TRIQK: variants seen among roughly 807,000 people sequenced by gnomAD.
The protein encoded by TRIQK is triple QxxK/R motif-containing protein.
Under a neutral mutation model 10.8 loss-of-function variants are expected in TRIQK, and 10 were observed. That is an observed-to-expected ratio of 0.92 (90% CI 0.57 to 1.57). The LOEUF is 1.57. TRIQK is among the 40% of genes most tolerant of loss of function. The pLI is 0.00. For synonymous variants in TRIQK, 33 were observed against 33.7 expected (o/e 0.98, Z 0.07); for missense variants, 107 against 97.7 (o/e 1.09, Z -0.40).
intron 1 of TRIQK, among the ~76,000 whole-genome samples, chr8:92,988,192 AT>A (rs1263352320): frequency 1.3e-5 from 2 of 149,226 alleles, no homozygotes; most frequent in Non-Finnish European, 3.0e-5. Flanking sequence ...TTTTTTTTGT[AT>A]TTTTAGTAGA....
intron 2 of TRIQK, among the ~76,000 whole-genome samples, chr8:92,932,903 T>C (rs1810807130): frequency 6.6e-6 from 1 of 152,172 alleles, no homozygotes; most frequent in Non-Finnish European, 1.5e-5. Context: ...GCATATCACC[T>C]TTTTTAAGAA....
chr8:92,960,491 A>G (rs1186807610), intron 1 of TRIQK: 1 of 152,162 alleles, frequency 6.6e-6, no homozygotes. Flanking sequence ...ATAACCTACA[A>G]ATAAGTTACC....
At chr8:92,972,163 T>C (rs1347400893) in intron 1 of TRIQK, among the ~76,000 whole-genome samples, 1 of 152,208 alleles carries the variant, frequency 6.6e-6, no homozygotes, top group Non-Finnish European at 1.5e-5. Flanking sequence ...TTTATAGCTC[T>C]ATCTCTTGTA....
intron 3 of TRIQK, among the ~76,000 whole-genome samples, chr8:92,897,503 T>A (rs1159004282): frequency 1.3e-5 from 2 of 152,200 alleles, no homozygotes; most frequent in East Asian, 3.9e-4. Context: ...AGGAGTGGGC[T>A]CATGATAAAA....
chr8:92,945,609 A>G (rs1563651765), intron 2 of TRIQK, among the ~76,000 whole-genome samples: 1 of 152,224 alleles, frequency 6.6e-6, no homozygotes, highest in African/African-American at 2.4e-5. Context: ...TTGCTCGTGC[A>G]GCTGTGGACA....
chr8:92,899,148 T>C (rs1263821789), intron 3 of TRIQK, among the ~76,000 whole-genome samples: 1 of 151,572 alleles, frequency 6.6e-6, no homozygotes, highest in African/African-American at 2.4e-5. Context: ...CATGGCCAGC[T>C]AATTTTTGTA....
chr8:92,883,611 C>T lies in TRIQK; in HGVS notation c.*3011G>A, dbSNP rs1232581140. ...TTACACAAAGAAACTGTGACAGACT[C>T]TGAGAGGACTAAAAGGCATCAACTT... On this transcript the variant is annotated 3_prime_UTR_variant, in exon 5 of 5. Transcript: ENST00000521988. 2 of 151,636 alleles carry T rather than the reference C, an allele frequency of 1.3e-5. No individual in the cohort carries two copies. The highest frequency in any genetic ancestry group is 4.8e-5 in the African/African-American group (2 of 41,352). 9.4% of individuals were successfully genotyped at this position (151,636 alleles called of 1,614,324 possible).
At chr8:92,958,509 T>A (rs772655952) in intron 1 of TRIQK, among the ~76,000 whole-genome samples, 13 of 152,028 alleles carry the variant, frequency 8.6e-5, no homozygotes, top group Non-Finnish European at 1.2e-4. Flanking sequence ...TTACCTGATT[T>A]TCATCTTTGG....
chr8:93,011,205 C>CATATAT lies in TRIQK; in HGVS notation c.-181+6398_-181+6403dup, dbSNP rs373752738. Among the ~76,000 whole-genome samples, 522 of 121,566 alleles carry CATATAT rather than the reference C, an allele frequency of 4.3e-3. 4 individuals carry two copies. The highest frequency in any genetic ancestry group is 0.013 in the African/African-American group (467 of 34,750). The allele number at this position is 121,566 out of a possible 152,430, so 79.8% of individuals were successfully genotyped here. On this transcript the variant is annotated intron_variant, in intron 1 of 4. Coordinates refer to the TRIQK transcript ENST00000520686. ...ACACACACACACACACACACACACA[C>CATATAT]ATATATATATATATATACAGGAGGT...
At chr8:92,906,588 A>ATC (rs1809269873) in intron 3 of TRIQK, among the ~76,000 whole-genome samples, 1 of 152,078 alleles carries the variant, frequency 6.6e-6, no homozygotes, top group East Asian at 1.9e-4. Flanking sequence ...TGTAACACTC[A>ATC]TCTTCCCCAT....
rs2130194589 is a variant in TRIQK, at chr8:92,883,899, T to C, written c.*2723A>G. 1 of 151,902 alleles carries C rather than the reference T, an allele frequency of 6.6e-6. No individual in the cohort carries two copies. The allele number at this position is 151,902 out of a possible 1,614,324, so 9.4% of individuals were successfully genotyped here. On this transcript the variant is annotated 3_prime_UTR_variant, in exon 5 of 5. Coordinates refer to ENST00000521988, the MANE Select transcript of TRIQK (RefSeq NM_001171797.2). ...AGATGAGGTTATATTTTTACAATAC[T>C]GTATCTCATCTCAAATAAATTTATA...
chr8:92,972,893 T>A (rs1812889123), intron 1 of TRIQK: 2 of 152,230 alleles, frequency 1.3e-5, no homozygotes, highest in Non-Finnish European at 2.9e-5. Context: ...TTTTTAATAA[T>A]TTTATCTTTG....
intron 1 of TRIQK, among the ~76,000 whole-genome samples, chr8:93,002,877 G>A (rs1012488478): frequency 1.3e-5 from 2 of 151,030 alleles, no homozygotes; most frequent in African/African-American, 4.9e-5. Flanking sequence ...CCGAGATCCT[G>A]CCATTGCACT....
chr8:92,914,068 C>A (rs191823802), intron 3 of TRIQK, among the ~76,000 whole-genome samples: 2 of 151,990 alleles, frequency 1.3e-5, no homozygotes. Flanking sequence ...TGTATACCTA[C>A]GTAACAAACC....
chr8:92,974,490 T>C (rs1812909626), intron 1 of TRIQK: 1 of 152,210 alleles, frequency 6.6e-6, no homozygotes, highest in Admixed American at 6.5e-5. Context: ...TGACTATAAG[T>C]CCTGAAACAA....
chr8:93,002,480 T>C (rs1005065647), intron 1 of TRIQK, among the ~76,000 whole-genome samples: 32 of 152,146 alleles, frequency 2.1e-4, no homozygotes, highest in African/African-American at 6.0e-4. Context: ...TGAACAATTA[T>C]ACACAAACAA....
intron 2 of TRIQK, among the ~76,000 whole-genome samples, chr8:92,938,863 T>A (rs1811131092): frequency 6.6e-6 from 1 of 152,182 alleles, no homozygotes; most frequent in Non-Finnish European, 1.5e-5. Context: ...CTTTCTAATA[T>A]CTTCTATATT....
At chr8:92,988,402 G>A (rs1342727370) in intron 1 of TRIQK, among the ~76,000 whole-genome samples, 1 of 152,114 alleles carries the variant, frequency 6.6e-6, no homozygotes, top group Non-Finnish European at 1.5e-5. Context: ...GAAAAGAAAA[G>A]TATGTATGTT....
In TRIQK at chr8:92,892,042, A is replaced by C; in HGVS notation, c.94T>G (p.Leu32Val). The change falls in exon 4 of 5, where the codon TTA becomes GTA. Residue 32 changes from leucine to valine, a missense_variant. Physicochemically the swap from Leu to Val is conservative, Grantham distance 32. Coordinates refer to ENST00000521988, the MANE Select transcript of TRIQK (RefSeq NM_001171797.2). ...TCTGCTTTTAATTTGGTTGCTCGTA[A>C]AATAGGTTTAGTTTTTTTATAATCC... ...KQDYKKTKPI[L>V]RATKLKAEAK... is the part of the protein sequence containing the mutation. 6.5e-7 allele frequency: 1 copy of C among 1,533,276 alleles called. No homozygotes were observed. The highest frequency in any genetic ancestry group is 8.7e-7 in the Non-Finnish European group (1 of 1,144,110). The allele number at this position is 1,533,276 out of a possible 1,614,324, so 95.0% of individuals were successfully genotyped here.
Sources: gnomAD v4.1 joint callset for allele counts (sites outside exome capture counted in the v4.1 genomes callset) on GRCh38, gnomAD v4.1.1 for gene constraint, MANE v1.5 for transcripts, NCBI Gene and HGNC (gene_info 2026-07-23, HGNC 2026-07-21) for gene names.